OCRL: variants seen among roughly 807,000 people sequenced by gnomAD.
OCRL encodes the protein inositol polyphosphate 5-phosphatase OCRL.
OCRL carries 8 observed loss-of-function variants against 78.9 expected under a neutral mutation model. The ratio of observed to expected loss-of-function variants is 0.10; its 90% confidence interval spans 0.06 to 0.18. The LOEUF is 0.18. Among genes scored for constraint, OCRL ranks in the 10% least tolerant of loss-of-function variants. The pLI is 1.00. For missense variants in OCRL, 454 were observed against 696.7 expected, an observed-to-expected ratio of 0.65 and a Z score of 3.92; for synonymous variants, 240 against 235.4, an observed-to-expected ratio of 1.02 and a Z score of -0.18.
chrX:129,582,821 G>GA (rs1936461269), intron 18 of OCRL, among the ~76,000 whole-genome samples: 1 of 99,322 alleles, frequency 1.0e-5, no homozygotes, highest in Non-Finnish European at 1.9e-5. Flanking sequence ...AGTGTGGGAG[G>GA]AATGCATTCA....
chrX:129,586,940 A>C, intron 19 of OCRL, 62 bp from the exon 20 acceptor site: 1 of 742,424 alleles, frequency 1.3e-6, no homozygotes, highest in Non-Finnish European at 2.1e-6. Context: ...AAGGACTTTA[A>C]GTTATACACC....
At chrX:129,551,800 A>C (rs888334270) in intron 4 of OCRL, among the ~76,000 whole-genome samples, 1 of 112,481 alleles carries the variant, frequency 8.9e-6, no homozygotes, top group Non-Finnish European at 1.9e-5. Flanking sequence ...AAGAGTAAGT[A>C]TATTAGGAGG....
intron 20 of OCRL, 83 bp from the exon 21 acceptor site, chrX:129,588,096 G>T (rs1227163647): frequency 1.5e-5 from 11 of 712,380 alleles, no homozygotes; most frequent in Non-Finnish European, 2.3e-5. Context: ...TTTGCTTCCT[G>T]CTGCTCTTCT....
At chrX:129,584,282 T>G (rs1344019661) in intron 18 of OCRL, 62 bp from the exon 19 acceptor site, 1 of 1,066,240 alleles carries the variant, frequency 9.4e-7, no homozygotes, top group Non-Finnish European at 1.3e-6. Flanking sequence ...TTTCTAATTC[T>G]GTAAATTAAT....
intron 1 of OCRL, 60 bp from the exon 2 acceptor site, chrX:129,540,684 C>G: frequency 6.0e-6 from 6 of 1,007,941 alleles, no homozygotes; most frequent in East Asian, 3.1e-5. Flanking sequence ...CCCTTCGCCC[C>G]GCAGTGCACC....
chrX:129,560,723 T>A (rs1015845201), intron 9 of OCRL, 72 bp downstream of exon 9: 17 of 710,213 alleles, frequency 2.4e-5, no homozygotes, highest in Middle Eastern at 6.0e-4. Context: ...TTGCCTTTTT[T>A]AAAAAAGACT....
Position 129,590,315 on chromosome X carries a change from C to T in OCRL, c.*45C>T, listed in dbSNP as rs1421212799. The T allele has an allele frequency of 3.3e-6, 4 of 1,199,617 alleles. No homozygotes were observed. The East Asian group carries it at 8.9e-5, about 27-fold the overall frequency. On this transcript the variant is annotated 3_prime_UTR_variant, in exon 24 of 24. Transcript: ENST00000371113. ...TATTCTAGAAGCAGACGATCTCGGG[C>T]TCCAAGTATTTCAGAATGATTTAAA...
intron 12 of OCRL, among the ~76,000 whole-genome samples, chrX:129,563,936 C>G (rs1163958982): frequency 1.9e-5 from 2 of 106,914 alleles, no homozygotes; most frequent in Admixed American, 2.0e-4. Flanking sequence ...AGTGAACAGG[C>G]AACCTACAAA....
chrX:129,561,989 A>C (rs987873492), intron 10 of OCRL, among the ~76,000 whole-genome samples: 5 of 112,289 alleles, frequency 4.5e-5, no homozygotes, highest in Non-Finnish European at 7.5e-5. Context: ...TAAGTAAAAA[A>C]GATTGCTGTT....
chrX:129,576,132 G>A (rs1936365071), intron 17 of OCRL, 70 bp downstream of exon 17: 1 of 1,085,308 alleles, frequency 9.2e-7, no homozygotes, highest in East Asian at 3.0e-5. Context: ...TTAACTTTCT[G>A]TTTTCTAACC....
At position 129,562,771 on chromosome X, in the gene OCRL, A is replaced by T; in HGVS notation, c.1229A>T (p.Asn410Ile). The T allele has an allele frequency of 8.3e-7, 1 of 1,210,554 alleles. No individual in the cohort carries two copies. The highest frequency in any genetic ancestry group is 1.1e-6 in the Non-Finnish European group (1 of 894,560). ...VVPNQTLPQLNIMKHEVVIWL... is the reference protein window; with the variant it reads ...VVPNQTLPQLIIMKHEVVIWL... ...CCAAATCAGACCCTCCCGCAGTTGAACATCATGAAACATGAGTAAGTGGTT... is the reference window on the plus strand; with the variant it reads ...CCAAATCAGACCCTCCCGCAGTTGATCATCATGAAACATGAGTAAGTGGTT... The change falls in exon 12 of 24, where the codon AAC (asparagine) becomes ATC (isoleucine). Residue 410 changes from asparagine (N) to isoleucine (I), a missense_variant. Physicochemically the swap from Asn to Ile is moderately radical, Grantham distance 149. Coordinates refer to ENST00000371113, the MANE Select transcript of OCRL (RefSeq NM_000276.4).
At chrX:129,581,449 A>G (rs1171811226) in intron 18 of OCRL, among the ~76,000 whole-genome samples, 1 of 111,155 alleles carries the variant, frequency 9.0e-6, no homozygotes, top group East Asian at 2.8e-4. Context: ...TTATAGGAGT[A>G]AGCTGTTTAC....
chrX:129,541,072 G>A (rs771392756), intron 2 of OCRL, among the ~76,000 whole-genome samples: 2 of 112,184 alleles, frequency 1.8e-5, no homozygotes, highest in Non-Finnish European at 3.8e-5. Flanking sequence ...TGGGTTCTTA[G>A]TTCCTGCCCC....
intron 18 of OCRL, among the ~76,000 whole-genome samples, chrX:129,581,725 C>CTGTGTGTG (rs35415909): frequency 4.3e-5 from 4 of 92,288 alleles, no homozygotes; most frequent in Admixed American, 2.4e-4. Context: ...ATACACACAC[C>CTGTGTGTG]TGTGTGTGTG....
chrX:129,560,683 T>G, intron 9 of OCRL, 32 bp downstream of exon 9: 1 of 992,658 alleles, frequency 1.0e-6, no homozygotes, highest in East Asian at 3.1e-5. Context: ...TCCTTTTGGC[T>G]ATATGTTTGG....
intron 4 of OCRL, chrX:129,549,931 T>C (rs1203405621): frequency 8.9e-6 from 1 of 112,269 alleles, no homozygotes; most frequent in African/African-American, 3.2e-5. Context: ...AGTGACCACT[T>C]GAATAAAATC....
chrX:129,547,385 C>T (rs181798683), intron 3 of OCRL, among the ~76,000 whole-genome samples: 2,933 of 108,991 alleles, frequency 0.027, 102 homozygotes, highest in African/African-American at 0.092. Context: ...ATTAGCCGGG[C>T]ATGGTGGCGG....
At chrX:129,576,115 C>A in intron 17 of OCRL, 53 bp downstream of exon 17, 1 of 1,155,771 alleles carries the variant, frequency 8.7e-7, no homozygotes, top group South Asian at 1.8e-5. Flanking sequence ...ACTCCCATCC[C>A]CTTGGTTTAA....
At chrX:129,567,964 A>ACTGCAGT (rs1936241350) in intron 14 of OCRL, among the ~76,000 whole-genome samples, 1 of 95,191 alleles carries the variant, frequency 1.1e-5, no homozygotes, top group Non-Finnish European at 2.0e-5. Context: ...CGGACTGCGG[A>ACTGCAGT]CTGCAGTGGC....
Sources: allele counts gnomAD v4.1 joint callset (sites outside exome capture counted in the v4.1 genomes callset), GRCh38; gene constraint gnomAD v4.1.1; transcripts MANE v1.5; gene names NCBI Gene and HGNC (gene_info 2026-07-23, HGNC 2026-07-21).